The following DENND5B variants were observed in gnomAD, a reference collection of about 807,000 sequenced individuals.
DENND5B encodes DENN domain-containing protein 5B.
DENND5B carries 34 observed loss-of-function variants against 140.6 expected under a neutral mutation model. The ratio of observed to expected loss-of-function variants is 0.24; its 90% CI spans 0.18 to 0.32. The LOEUF is 0.32. DENND5B is among the 10% of genes least tolerant of loss of function. The pLI, the probability that DENND5B is intolerant of heterozygous loss-of-function variation, is 1.00. For missense variants in DENND5B, 1,142 were observed against 1,560.2 expected (o/e 0.73, Z 4.52); for synonymous variants, 551 against 562.1 (o/e 0.98, Z 0.28).
rs1490889202 is a variant in DENND5B, at chr12:31,429,712, T to TA, written c.2107-3289_2107-3288insT. Among the ~76,000 whole-genome samples the TA allele has an allele frequency of 8.7e-5, 13 of 150,228 alleles. No individual in the cohort carries two copies. In the East Asian group the frequency reaches 2.6e-3, roughly 30 times the overall value. On this transcript the variant is annotated intron_variant, in intron 8 of 20. Transcript: ENST00000389082. ...GTGTAAGCCACCACGCCCTGCCTGGTTTTTTTTGTTTTAAAACAGAGTCTC... is the reference window on the plus strand; with the variant it reads ...GTGTAAGCCACCACGCCCTGCCTGGTATTTTTTTGTTTTAAAACAGAGTCTC...
rs1026387664 is a variant in DENND5B at position 31,392,204 on chromosome 12, G to A, written c.3466+63C>T. On this transcript the variant is annotated intron_variant, in intron 19 of 20. Transcript: ENST00000389082. ...TAACCCTTATTCACTCAGATTCCTG[G>A]GTCTTTGAGTTCCTAAGAAAGGCTT... is the stretch of plus-strand genomic sequence containing the variant. 9 of 1,582,728 alleles carry A rather than the reference G, an allele frequency of 5.7e-6. No individual in the cohort carries two copies. In the African/African-American group the frequency reaches 1.1e-4, roughly 19 times the overall value.
At chr12:31,433,049 T>C in intron 8 of DENND5B, 106 bp downstream of exon 8, 1 of 975,344 alleles carries the variant, frequency 1.0e-6, no homozygotes, top group Non-Finnish European at 1.6e-6. Context: ...CTAAACAGTT[T>C]TTTTTTTAAA....
Position 31,429,494 on chromosome 12 carries a change from C to T in DENND5B, c.2107-3070G>A, listed in dbSNP as rs559912368. Among the ~76,000 whole-genome samples, 8 of 152,234 alleles carry T rather than the reference C, an allele frequency of 5.3e-5. No homozygotes were observed. The South Asian group carries it at 6.2e-4, about 12-fold the overall frequency. ...CTCGGTCTTGGCTCACCACAAACTC[C>T]GCCTCCTGGGTTCAAGCAGTTCTCC... On this transcript the variant is annotated intron_variant, in intron 8 of 20. Coordinates refer to ENST00000389082, the MANE Select transcript of DENND5B (RefSeq NM_144973.4).
rs1212497033 is a variant in DENND5B at position 31,554,040 on chromosome 12, A to T, written c.127+36666T>A. Among the ~76,000 whole-genome samples the T allele has an allele frequency of 9.9e-5, 15 of 152,248 alleles. No homozygotes were observed. The East Asian group carries it at 2.9e-3, about 29-fold the overall frequency. Reference sequence around the variant, plus strand: ...CCAATTTGCCAGTCTGTGTCTTTTAATTGGAGCATTTAGCCCATTTACATT... The same window carrying T: ...CCAATTTGCCAGTCTGTGTCTTTTATTTGGAGCATTTAGCCCATTTACATT... On this transcript the variant is annotated intron_variant, in intron 1 of 20. Coordinates refer to ENST00000389082, the MANE Select transcript of DENND5B (RefSeq NM_144973.4).
At chr12:31,535,688 A>C (rs924135295) in intron 1 of DENND5B, among the ~76,000 whole-genome samples, 1 of 152,202 alleles carries the variant, frequency 6.6e-6, no homozygotes, top group African/African-American at 2.4e-5. Context: ...GTAAAAAAAA[A>C]GTCTAGACTG....
intron 1 of DENND5B, among the ~76,000 whole-genome samples, chr12:31,572,111 C>T (rs990342319): frequency 2.6e-4 from 40 of 151,942 alleles, no homozygotes; most frequent in African/African-American, 9.4e-4. Context: ...GTAATCCCAG[C>T]TACTTGGGAG....
intron 2 of DENND5B, among the ~76,000 whole-genome samples, chr12:31,485,147 T>C (rs1277340990): frequency 6.6e-6 from 1 of 152,190 alleles, no homozygotes; most frequent in East Asian, 1.9e-4. Flanking sequence ...CTGCAAAGCC[T>C]GCAGCGGGCA....
At chr12:31,480,576 A>G (rs1330910859) in intron 2 of DENND5B, among the ~76,000 whole-genome samples, 1 of 152,226 alleles carries the variant, frequency 6.6e-6, no homozygotes, top group African/African-American at 2.4e-5. Context: ...AGCAAGCCAT[A>G]TAACTTCTGT....
rs537698336 is a variant in DENND5B, at chr12:31,405,935, T to A, written c.2804-3292A>T. Among the ~76,000 whole-genome samples the A allele has an allele frequency of 4.2e-3, 631 of 151,270 alleles. 5 individuals are homozygous for A. The highest frequency in any genetic ancestry group is 0.014 in the African/African-American group (574 of 41,146). On this transcript the variant is annotated intron_variant, in intron 14 of 20. Transcript: ENST00000389082. ...ATTTCAGCTCACTGCAACCTCCGCC[T>A]CCCGGGTTCAAGCGATTCTCCTACC...
chr12:31,524,009 CTCTT>C (rs1327855854), intron 1 of DENND5B, among the ~76,000 whole-genome samples: 5 of 148,018 alleles, frequency 3.4e-5, no homozygotes, highest in Non-Finnish European at 5.9e-5. Context: ...CTCAGTGGGC[CTCTT>C]TGTCTTTTAA....
At chr12:31,558,054 A>G (rs1425474517) in intron 1 of DENND5B, among the ~76,000 whole-genome samples, 1 of 152,104 alleles carries the variant, frequency 6.6e-6, no homozygotes, top group Non-Finnish European at 1.5e-5. Context: ...GTCTCTTAGA[A>G]AAAAAAGTCT....
intron 3 of DENND5B, among the ~76,000 whole-genome samples, chr12:31,478,357 C>T (rs371503548): frequency 1.5e-4 from 23 of 152,258 alleles, no homozygotes; most frequent in African/African-American, 5.1e-4. Flanking sequence ...ATAAGCTTGA[C>T]GGCACCAGTC....
intron 1 of DENND5B, among the ~76,000 whole-genome samples, chr12:31,512,064 G>A (rs368235397): frequency 2.0e-5 from 3 of 150,090 alleles, no homozygotes; most frequent in African/African-American, 4.9e-5. Context: ...TTACAGGCAC[G>A]TGCCACCATG....
chr12:31,458,287 A>G (rs1944872719), intron 4 of DENND5B, among the ~76,000 whole-genome samples: 1 of 151,788 alleles, frequency 6.6e-6, no homozygotes, highest in African/African-American at 2.4e-5. Flanking sequence ...GAAAGACAAC[A>G]TACATATAAA....
intron 1 of DENND5B, among the ~76,000 whole-genome samples, chr12:31,578,867 A>T (rs183370874): frequency 7.9e-5 from 12 of 152,286 alleles, no homozygotes; most frequent in Non-Finnish European, 1.8e-4. Context: ...CAACTCACTG[A>T]ATGTCATCCT....
At chr12:31,513,426 T>G (rs1947503870) in intron 1 of DENND5B, among the ~76,000 whole-genome samples, 1 of 152,246 alleles carries the variant, frequency 6.6e-6, no homozygotes, top group Non-Finnish European at 1.5e-5. Context: ...AGTACGTATC[T>G]ACCTCTATCA....
intron 1 of DENND5B, among the ~76,000 whole-genome samples, chr12:31,556,230 A>T (rs1336880557): frequency 6.6e-6 from 1 of 151,978 alleles, no homozygotes; most frequent in Non-Finnish European, 1.5e-5. Flanking sequence ...TTTAAGATGC[A>T]GTCTCACTCT....
At chr12:31,397,151 T>C (rs1016609072) in intron 17 of DENND5B, among the ~76,000 whole-genome samples, 4 of 152,138 alleles carry the variant, frequency 2.6e-5, no homozygotes, top group African/African-American at 9.7e-5. Flanking sequence ...ATGAACATAG[T>C]ATAATATTCA....
Position 31,428,051 on chromosome 12 carries a change from T to G in DENND5B, c.2107-1627A>C, listed in dbSNP as rs151263882. ...GAAAGGCAAAATTAACAAAATAATG[T>G]TTTTTTCCAGTCCAATCATTTTAAC... On this transcript the variant is annotated intron_variant, in intron 8 of 20. Transcript: ENST00000389082. 2.0e-5 allele frequency among the ~76,000 whole-genome samples: 3 copies of G among 152,294 alleles called. No homozygotes were observed. The East Asian group carries it at 5.8e-4, about 29-fold the overall frequency.
Sources: gnomAD v4.1 joint callset for allele counts (sites outside exome capture counted in the v4.1 genomes callset) on GRCh38, gnomAD v4.1.1 for gene constraint, MANE v1.5 for transcripts, NCBI Gene and HGNC (gene_info 2026-07-23, HGNC 2026-07-21) for gene names.